ANKRD6: variants seen among roughly 807,000 people sequenced by gnomAD.
ANKRD6 encodes ankyrin repeat domain 6.
Under a neutral mutation model 82.3 loss-of-function variants are expected in ANKRD6, and 56 were observed. The ratio of observed to expected loss-of-function variants is 0.68; its 90% CI spans 0.55 to 0.85. ANKRD6 has a LOEUF of 0.85. Among genes scored for constraint, ANKRD6 ranks in the 40% least tolerant of loss-of-function variants. The pLI is 0.00. For missense variants in ANKRD6, 852 were observed against 907.6 expected, an observed-to-expected ratio of 0.94 and a Z score of 0.79; for synonymous variants, 347 against 352.1, an observed-to-expected ratio of 0.99 and a Z score of 0.16.
rs368751340 is a variant in ANKRD6, at chr6:89,449,029, CAAAA to C, written c.-144+15673_-144+15676del. 5.4e-3 allele frequency among the ~76,000 whole-genome samples: 283 copies of C among 52,404 alleles called. 1 individual carries two copies. The highest frequency in any genetic ancestry group is 0.017 in the African/African-American group (266 of 15,258). 34.4% of individuals were successfully genotyped at this position (52,404 alleles called of 152,430 possible). On this transcript the variant is annotated intron_variant, in intron 1 of 15. Coordinates refer to ENST00000339746, the MANE Select transcript of ANKRD6 (RefSeq NM_001242809.2). ...TGGGAGACACAGCGAGACTCCGTCTCAAAAAAAAAAAAAAAAAAAAAAGAAATAC... is the reference window on the plus strand; with the variant it reads ...TGGGAGACACAGCGAGACTCCGTCTCAAAAAAAAAAAAAAAAAAGAAATAC...
chr6:89,444,594 T>A lies in ANKRD6; in HGVS notation c.-144+11219T>A, dbSNP rs148018804. ...ATTTTATCATCCAATGACAGACTTA[T>A]AACTAATTAGATATTTTCCTGTTGG... On this transcript the variant is annotated intron_variant, in intron 1 of 15. Transcript: ENST00000339746. Among the ~76,000 whole-genome samples the A allele has an allele frequency of 3.0e-4, 45 of 152,344 alleles. 1 individual carries two copies. The East Asian group carries it at 8.5e-3, about 29-fold the overall frequency.
chr6:89,485,366 T>C (rs953483619), intron 1 of ANKRD6, among the ~76,000 whole-genome samples: 5 of 152,240 alleles, frequency 3.3e-5, no homozygotes, highest in African/African-American at 1.2e-4. Context: ...CAGAGCTTTG[T>C]TGCTGGGAGA....
At chr6:89,624,510 G>A in intron 12 of ANKRD6, 29 bp from the exon 13 acceptor site, 1 of 1,550,904 alleles carries the variant, frequency 6.4e-7, no homozygotes, top group Non-Finnish European at 8.7e-7. Flanking sequence ...ATGAACAAGG[G>A]ATTGATTCCT....
At chr6:89,579,756 C>CA (rs61159223) in intron 2 of ANKRD6, among the ~76,000 whole-genome samples, 21,693 of 68,274 alleles carry the variant, frequency 0.32, 3,656 homozygotes, top group South Asian at 0.46. Flanking sequence ...GACCCTGTCT[C>CA]AAAAAAAAAA....
At chr6:89,473,061 C>T in intron 1 of ANKRD6, among the ~76,000 whole-genome samples, 1 of 152,112 alleles carries the variant, frequency 6.6e-6, no homozygotes, top group Non-Finnish European at 1.5e-5. Context: ...ACCTTTTAAT[C>T]TTACATAGCC....
At chr6:89,471,939 CAAAAAAA>C (rs749607605) in intron 1 of ANKRD6, among the ~76,000 whole-genome samples, 7 of 52,606 alleles carry the variant, frequency 1.3e-4, no homozygotes, top group Admixed American at 2.6e-4. Flanking sequence ...AACTCCATCT[CAAAAAAA>C]AAAAAAAAAA....
chr6:89,462,595 A>G (rs763726447), intron 1 of ANKRD6, among the ~76,000 whole-genome samples: 1 of 152,208 alleles, frequency 6.6e-6, no homozygotes, highest in Non-Finnish European at 1.5e-5. Context: ...CTGAAATACC[A>G]GTACCATTTT....
chr6:89,474,268 G>C (rs928875750), intron 1 of ANKRD6, among the ~76,000 whole-genome samples: 15 of 152,164 alleles, frequency 9.9e-5, no homozygotes, highest in Admixed American at 7.9e-4. Context: ...AGAGAGCTGT[G>C]TGTGATGCTA....
chr6:89,587,393 G>A (rs1305254233), intron 2 of ANKRD6, among the ~76,000 whole-genome samples: 1 of 152,152 alleles, frequency 6.6e-6, no homozygotes, highest in Non-Finnish European at 1.5e-5. Context: ...GGAGGCTGAG[G>A]CAGGAGAATC....
chr6:89,501,845 T>TA (rs551869448), intron 1 of ANKRD6, among the ~76,000 whole-genome samples: 2,188 of 145,748 alleles, frequency 0.015, 42 homozygotes, highest in African/African-American at 0.049. Flanking sequence ...GGAGTTATCT[T>TA]AAAAAAAAAA....
chr6:89,440,374 G>T (rs569712643), intron 1 of ANKRD6, among the ~76,000 whole-genome samples: 3 of 152,328 alleles, frequency 2.0e-5, no homozygotes, highest in Non-Finnish European at 2.9e-5. Context: ...AGTTAGTGCA[G>T]TTTGTTATGT....
intron 1 of ANKRD6, among the ~76,000 whole-genome samples, chr6:89,484,150 C>T (rs973773844): frequency 3.9e-5 from 6 of 152,254 alleles, no homozygotes; most frequent in South Asian, 2.1e-4. Flanking sequence ...TCAGGTGATC[C>T]GCCTGCCTCA....
chr6:89,525,608 G>A (rs1782401018), intron 1 of ANKRD6, among the ~76,000 whole-genome samples: 1 of 152,192 alleles, frequency 6.6e-6, no homozygotes, highest in African/African-American at 2.4e-5. Context: ...TAGGGAAGGG[G>A]CAGGTTGGGT....
chr6:89,476,398 A>G (rs900849420), intron 1 of ANKRD6, among the ~76,000 whole-genome samples: 1 of 152,156 alleles, frequency 6.6e-6, no homozygotes, highest in African/African-American at 2.4e-5. Context: ...CATGTTGGCC[A>G]GGCTGGTCTC....
At chr6:89,452,714 C>T (rs184990860) in intron 1 of ANKRD6, among the ~76,000 whole-genome samples, 15 of 152,172 alleles carry the variant, frequency 9.9e-5, no homozygotes, top group Admixed American at 4.6e-4. Flanking sequence ...CCCCAGACCC[C>T]GCACCCAAAC....
intron 2 of ANKRD6, among the ~76,000 whole-genome samples, chr6:89,583,004 A>G (rs2128122039): frequency 6.6e-6 from 1 of 152,334 alleles, no homozygotes; most frequent in East Asian, 1.9e-4. Context: ...GGTTCTCAGT[A>G]TTGACTGCAC....
At chr6:89,597,587 G>A (rs1483126522) in intron 3 of ANKRD6, among the ~76,000 whole-genome samples, 1 of 152,194 alleles carries the variant, frequency 6.6e-6, no homozygotes, top group Non-Finnish European at 1.5e-5. Context: ...TAGAACTGCT[G>A]CTGTTTATAC....
chr6:89,515,366 G>T (rs1781074737), intron 1 of ANKRD6, among the ~76,000 whole-genome samples: 1 of 152,172 alleles, frequency 6.6e-6, no homozygotes, highest in African/African-American at 2.4e-5. Context: ...TTACCTCTTT[G>T]CACCACCCTT....
At chr6:89,600,298 G>T (rs1361027552) in intron 3 of ANKRD6, among the ~76,000 whole-genome samples, 1 of 152,194 alleles carries the variant, frequency 6.6e-6, no homozygotes, top group African/African-American at 2.4e-5. Flanking sequence ...AGGGCAGCTT[G>T]TGAAACATGA....
Sources: allele counts gnomAD v4.1 joint callset (sites outside exome capture counted in the v4.1 genomes callset), GRCh38; gene constraint gnomAD v4.1.1; transcripts MANE v1.5; gene names NCBI Gene and HGNC (gene_info 2026-07-23, HGNC 2026-07-21).